The following CWH43 variants were observed in gnomAD, a reference collection of about 807,000 sequenced individuals.
The protein encoded by CWH43 is cell wall biogenesis 43 C-terminal homolog.
CWH43 carries 91 observed loss-of-function variants against 85.7 expected under a neutral mutation model. The observed-to-expected ratio is 1.06, with a 90% CI of 0.90 to 1.26. The LOEUF (loss-of-function observed/expected upper bound fraction) is 1.26, where lower values mean the gene tolerates loss of function less well. Among genes scored for constraint, CWH43 ranks in the 50% most tolerant of loss-of-function variants. The pLI, the probability that CWH43 is intolerant of heterozygous loss-of-function variation, is 0.00. For synonymous variants in CWH43, 323 were observed against 293.6 expected (o/e 1.10, Z -1.02); for missense variants, 869 against 839.2 (o/e 1.04, Z -0.44).
intron 9 of CWH43, among the ~76,000 whole-genome samples, chr4:49,028,358 T>C (rs1252687961): frequency 6.6e-6 from 1 of 152,224 alleles, no homozygotes; most frequent in Non-Finnish European, 1.5e-5. Flanking sequence ...TGTTTCTAAC[T>C]TTTTACTGTT....
At chr4:49,016,600 G>C (rs898318210) in intron 8 of CWH43, 2 of 733,756 alleles carry the variant, frequency 2.7e-6, no homozygotes, top group Non-Finnish European at 5.1e-6. Flanking sequence ...GGAAGGTACA[G>C]TTTGGATGAG....
chr4:48,997,010 CCCTT>C (rs1002441369), intron 5 of CWH43, among the ~76,000 whole-genome samples: 1 of 152,184 alleles, frequency 6.6e-6, no homozygotes, highest in Non-Finnish European at 1.5e-5. Context: ...ATTTCAATCT[CCCTT>C]TCTTTGTGCT....
chr4:49,050,707 A>AG lies in CWH43; in HGVS notation c.1880dup (p.Ile628AsnfsTer5). 1 of 1,611,916 alleles carries AG rather than the reference A, an allele frequency of 6.2e-7. No homozygotes were observed. Among genetic ancestry groups the AG allele is most frequent in the Non-Finnish European group, 8.5e-7 (1 of 1,179,136 alleles). The stretch of plus-strand genomic sequence containing the variant: ...TTTCTGCTACAGGTTGGGTTATGCA[A>AG]GAATCTCCCATGCTGAACTGAGTGA... On this transcript the variant is annotated frameshift_variant, in exon 15 of 16. Transcript: ENST00000226432. LOFTEE classifies it high-confidence loss of function.
At chr4:49,044,688 A>G (rs1203219775) in intron 13 of CWH43, 98 bp from the exon 14 acceptor site, 16 of 885,786 alleles carry the variant, frequency 1.8e-5, no homozygotes, top group Non-Finnish European at 2.9e-5. Context: ...CAGCATGTAC[A>G]AAGAGATATT....
rs771181370 is a variant in CWH43, at chr4:49,030,905, G to A, written c.1453G>A (p.Glu485Lys). 1.9e-6 allele frequency: 3 copies of A among 1,611,210 alleles called. No homozygotes were observed. In the East Asian group the frequency reaches 6.7e-5, roughly 36 times the overall value. The change falls in exon 11 of 16, where the codon GAA becomes AAA. Residue 485 changes from glutamate (E) to lysine (K), a missense_variant. Around this residue, in one of 3 missense-constraint regions of CWH43, gnomAD observed 577 missense variants for 513.1 expected, o/e 1.12. Coordinates refer to ENST00000226432, the MANE Select transcript of CWH43 (RefSeq NM_025087.3). The part of the protein sequence containing the change: ...GNNDLTMWLG[E>K]KLGFYTDFGP... ...CAATGACTTAACCATGTGGCTAGGGGAAAAGTTGGGTTTCTATACAGACTT... is the reference window on the plus strand; with the variant it reads ...CAATGACTTAACCATGTGGCTAGGGAAAAAGTTGGGTTTCTATACAGACTT...
chr4:49,015,013 A>G (rs1560495835), intron 8 of CWH43, among the ~76,000 whole-genome samples: 2 of 152,100 alleles, frequency 1.3e-5, no homozygotes, highest in East Asian at 3.9e-4. Context: ...TGCCCTAAAC[A>G]TCCCCTGTGC....
intron 8 of CWH43, among the ~76,000 whole-genome samples, chr4:49,015,193 T>A (rs1329177589): frequency 6.6e-6 from 1 of 152,114 alleles, no homozygotes; most frequent in Non-Finnish European, 1.5e-5. Context: ...TTACTTTTCT[T>A]TTTCATTTTC....
At chr4:48,987,186 G>C (rs1452854693) in intron 1 of CWH43, among the ~76,000 whole-genome samples, 3 of 152,036 alleles carry the variant, frequency 2.0e-5, no homozygotes, top group African/African-American at 7.2e-5. Flanking sequence ...CTGAGAACTT[G>C]ATTTTCTGGG....
At chr4:49,017,418 T>A in intron 9 of CWH43, 90 bp downstream of exon 9, 2 of 898,938 alleles carry the variant, frequency 2.2e-6, no homozygotes, top group Admixed American at 2.3e-5. Context: ...TGAACCTGGA[T>A]CTGATGACTT....
chr4:49,036,373 C>T (rs1784263185), intron 12 of CWH43, among the ~76,000 whole-genome samples: 4 of 152,168 alleles, frequency 2.6e-5, no homozygotes. Flanking sequence ...AAAAATAGAG[C>T]TACCACCTGC....
chr4:48,993,194 T>A (rs1267673666), intron 4 of CWH43, among the ~76,000 whole-genome samples: 8 of 152,228 alleles, frequency 5.3e-5, no homozygotes, highest in Non-Finnish European at 1.2e-4. Flanking sequence ...TCTCAGCCTA[T>A]CTGAGCATAC....
Position 49,039,306 on chromosome 4 carries a change from G to GAGAT in CWH43, c.1803+1127_1803+1128insGATA, listed in dbSNP as rs1553916914. ...ACACAAATCAAATTCTCAGGAGACT[G>GAGAT]ATATATATATATATATATATATATA... On this transcript the variant is annotated intron_variant, in intron 13 of 15. Transcript: ENST00000226432. Among the ~76,000 whole-genome samples, 21 of 4,602 alleles carry GAGAT rather than the reference G, an allele frequency of 4.6e-3. 1 individual carries two copies. Among genetic ancestry groups the GAGAT allele is most frequent in the African/African-American group, 8.1e-3 (19 of 2,338 alleles). The allele number at this position is 4,602 out of a possible 152,430, so 3.0% of individuals were successfully genotyped here.
In CWH43 at chr4:49,038,108, A is replaced by G. The variant is rs766787761; in HGVS notation, c.1731A>G (p.Ile577Met). Residue 577 changes from isoleucine (I) to methionine (M), a missense_variant, in exon 13 of 16, where the codon ATA becomes ATG. By Grantham distance (10) the Ile-to-Met change is conservative. This residue lies in a region of CWH43 where 577 missense variants were observed against 513.1 expected (regional missense o/e 1.12). Coordinates refer to ENST00000226432, the MANE Select transcript of CWH43 (RefSeq NM_025087.3). Reference sequence around the variant, plus strand: ...TGAAAAGTAGCTCTAATCAAGTGATATTTCTGGGATATATCACTTCAGCAC... The same window carrying G: ...TGAAAAGTAGCTCTAATCAAGTGATGTTTCTGGGATATATCACTTCAGCAC... ...KLLKSSSNQV[I>M]FLGYITSAPG... 32 of 1,612,948 alleles carry G rather than the reference A, an allele frequency of 2.0e-5. No individual in the cohort carries two copies. The highest frequency in any genetic ancestry group is 2.6e-5 in the Non-Finnish European group (31 of 1,179,430).
chr4:49,021,632 C>T (rs1211535592), intron 9 of CWH43, among the ~76,000 whole-genome samples: 1 of 151,986 alleles, frequency 6.6e-6, no homozygotes, highest in African/African-American at 2.4e-5. Context: ...TTGTAGATTG[C>T]TTTTGGCAGT....
At chr4:49,029,701 C>T (rs1784035819) in intron 10 of CWH43, among the ~76,000 whole-genome samples, 1 of 152,228 alleles carries the variant, frequency 6.6e-6, no homozygotes, top group Admixed American at 6.5e-5. Flanking sequence ...GTGAGATATG[C>T]TGGCAGCAAT....
chr4:49,014,458 CA>C (rs34790963), intron 8 of CWH43, among the ~76,000 whole-genome samples: 391 of 134,566 alleles, frequency 2.9e-3, no homozygotes, highest in African/African-American at 0.01. Context: ...GACTCTGACT[CA>C]AAAAAAAAAA....
intron 2 of CWH43, among the ~76,000 whole-genome samples, chr4:48,989,344 TG>T (rs1782584836): frequency 1.3e-5 from 2 of 151,906 alleles, no homozygotes; most frequent in South Asian, 4.2e-4. Context: ...GCAGTAGGGG[TG>T]GGGAAACAGG....
chr4:49,032,797 C>A, intron 12 of CWH43, 82 bp downstream of exon 12: 1 of 1,487,094 alleles, frequency 6.7e-7, no homozygotes, highest in Non-Finnish European at 9.3e-7. Flanking sequence ...ATGAAATCAC[C>A]TTTCTCATTT....
At chr4:49,004,104 T>G in intron 7 of CWH43, 112 bp downstream of exon 7, 2 of 974,786 alleles carry the variant, frequency 2.1e-6, no homozygotes, top group Non-Finnish European at 2.9e-6. Context: ...ATGATCTAGC[T>G]TTCTTGGTAA....
Sources: allele counts gnomAD v4.1 joint callset (sites outside exome capture counted in the v4.1 genomes callset), GRCh38; gene constraint gnomAD v4.1.1; regional missense constraint gnomAD v4.1.1; transcripts MANE v1.5; gene names NCBI Gene and HGNC (gene_info 2026-07-23, HGNC 2026-07-21).